The following CSMD3 variants were observed in gnomAD, a reference collection of about 807,000 sequenced individuals.
CSMD3 encodes the protein CUB and sushi domain-containing protein 3.
In CSMD3, 177 loss-of-function variants were observed where a neutral mutation model predicts 435.2. The ratio of observed to expected loss-of-function variants is 0.41; its 90% CI spans 0.36 to 0.46. CSMD3 has a LOEUF of 0.46. Ranked by LOEUF, CSMD3 falls within the 20% of genes least tolerant of loss-of-function variation. The probability of loss-of-function intolerance (pLI) is 0.34; values close to 1 mark genes in which losing one functional copy is unlikely to be tolerated. For missense variants in CSMD3, 4,265 were observed against 4,504.6 expected, an observed-to-expected ratio of 0.95 and a Z score of 1.52; for synonymous variants, 1,656 against 1,520.5, an observed-to-expected ratio of 1.09 and a Z score of -2.07.
chr8:112,369,383 T>C (rs1365681742), intron 38 of CSMD3, among the ~76,000 whole-genome samples: 2 of 152,206 alleles, frequency 1.3e-5, no homozygotes, highest in African/African-American at 4.8e-5. Flanking sequence ...TTAGTTCCCC[T>C]TCTTTAATAA....
intron 5 of CSMD3, among the ~76,000 whole-genome samples, chr8:113,087,479 A>G (rs1165012997): frequency 3.3e-5 from 5 of 152,216 alleles, no homozygotes; most frequent in Non-Finnish European, 4.4e-5. Context: ...TACAGTAACC[A>G]AAACAGCATG....
intron 3 of CSMD3, among the ~76,000 whole-genome samples, chr8:113,224,657 A>G (rs1390294732): frequency 6.6e-6 from 1 of 151,314 alleles, no homozygotes; most frequent in African/African-American, 2.4e-5. Flanking sequence ...TAATATTTAT[A>G]TAGTGGGTCC....
intron 27 of CSMD3, among the ~76,000 whole-genome samples, chr8:112,540,409 G>T (rs184551612): frequency 3.7e-4 from 56 of 152,106 alleles, no homozygotes; most frequent in African/African-American, 1.3e-3. Flanking sequence ...ACTACCATAT[G>T]ATCCAGCATT....
Position 112,637,089 on chromosome 8 carries a change from AT to A in CSMD3, c.3527-85del, listed in dbSNP as rs2074682689. 8.1e-6 allele frequency: 9 copies of A among 1,109,380 alleles called. No individual in the cohort carries two copies. The South Asian group carries it at 1.0e-4, about 12-fold the overall frequency. 68.7% of individuals were successfully genotyped at this position (1,109,380 alleles called of 1,614,324 possible). A position where few individuals can be genotyped will look rare whatever the true frequency, so the allele number is the denominator to read the frequency against. ...TGGTTACTTTTAAAGGTATATTCCTATTGTTTTTAGAACCTAGTCATATATT... is the reference window on the plus strand; with the variant it reads ...TGGTTACTTTTAAAGGTATATTCCTATGTTTTTAGAACCTAGTCATATATT... On this transcript the variant is annotated intron_variant, in intron 21 of 70. Transcript: ENST00000297405.
intron 32 of CSMD3, among the ~76,000 whole-genome samples, chr8:112,467,728 C>T (rs1031724215): frequency 1.3e-5 from 2 of 152,076 alleles, no homozygotes; most frequent in Non-Finnish European, 2.9e-5. Context: ...AAAAAACAGA[C>T]AGACACACAG....
At chr8:113,404,007 CATT>C (rs2094521684) in intron 1 of CSMD3, among the ~76,000 whole-genome samples, 1 of 151,250 alleles carries the variant, frequency 6.6e-6, no homozygotes, top group Non-Finnish European at 1.5e-5. Context: ...GGATTTGAAA[CATT>C]AATAACTTCC....
At chr8:112,432,590 G>T (rs1813837876) in intron 32 of CSMD3, among the ~76,000 whole-genome samples, 1 of 152,092 alleles carries the variant, frequency 6.6e-6, no homozygotes, top group South Asian at 2.1e-4. Context: ...TGGGATTAAA[G>T]ATGTGGGCCA....
intron 32 of CSMD3, among the ~76,000 whole-genome samples, chr8:112,434,739 T>C (rs1814126067): frequency 6.6e-6 from 1 of 152,104 alleles, no homozygotes; most frequent in Non-Finnish European, 1.5e-5. Flanking sequence ...ATACATTGTT[T>C]TATAAAATTT....
At chr8:112,803,853 C>T (rs1485171067) in intron 12 of CSMD3, among the ~76,000 whole-genome samples, 3 of 152,104 alleles carry the variant, frequency 2.0e-5, no homozygotes, top group South Asian at 2.1e-4. Context: ...TTTACAGTCC[C>T]GGGCATGGAG....
intron 7 of CSMD3, among the ~76,000 whole-genome samples, chr8:112,957,743 G>C (rs989283344): frequency 2.1e-5 from 3 of 141,450 alleles, no homozygotes; most frequent in Admixed American, 1.4e-4. Flanking sequence ...CACAGCTCCC[G>C]GGCGTGTTTG....
chr8:113,139,356 T>A (rs193196845), intron 4 of CSMD3, among the ~76,000 whole-genome samples: 37 of 151,222 alleles, frequency 2.4e-4, no homozygotes, highest in African/African-American at 8.2e-4. Context: ...TAACACTGGT[T>A]GTAAATATAT....
chr8:112,968,111 T>C (rs933239139), intron 7 of CSMD3, among the ~76,000 whole-genome samples: 2 of 151,446 alleles, frequency 1.3e-5, no homozygotes, highest in Non-Finnish European at 3.0e-5. Flanking sequence ...AAAAAGTAAA[T>C]ATGGCTGATT....
At chr8:112,956,157 T>C (rs1481469538) in intron 7 of CSMD3, among the ~76,000 whole-genome samples, 3 of 152,044 alleles carry the variant, frequency 2.0e-5, no homozygotes, top group Admixed American at 6.6e-5. Context: ...ATCTGCCTTT[T>C]TACCTGCTTT....
Position 112,265,569 on chromosome 8 carries a change from C to A in CSMD3, c.9530G>T (p.Gly3177Val), listed in dbSNP as rs774032664. 6.8e-6 allele frequency: 11 copies of A among 1,613,112 alleles called. No individual in the cohort carries two copies. Among genetic ancestry groups the A allele is most frequent in the Non-Finnish European group, 9.3e-6 (11 of 1,179,288 alleles). The change falls in exon 60 of 71, where the codon GGT (glycine) becomes GTT (valine). Residue 3177 changes from glycine to valine, a missense_variant. Physicochemically the swap from Gly to Val is moderately radical, Grantham distance 109. Coordinates refer to ENST00000297405, the MANE Select transcript of CSMD3 (RefSeq NM_198123.2). The part of the protein sequence containing the change: ...NCTIISCGDP[G>V]IPANGLRYGD... ...ATATCTCAGTCCATTGGCTGGTATACCTGGGTCTCCACAACTGATTACTGT... is the reference window on the plus strand; with the variant it reads ...ATATCTCAGTCCATTGGCTGGTATAACTGGGTCTCCACAACTGATTACTGT...
intron 11 of CSMD3, among the ~76,000 whole-genome samples, chr8:112,836,523 G>A (rs2080028991): frequency 6.6e-6 from 1 of 151,850 alleles, no homozygotes; most frequent in South Asian, 2.1e-4. Context: ...ACTGGAAGAT[G>A]ATTAGCAATT....
At chr8:113,146,301 C>T (rs964491811) in intron 4 of CSMD3, among the ~76,000 whole-genome samples, 2 of 151,356 alleles carry the variant, frequency 1.3e-5, no homozygotes, top group African/African-American at 2.4e-5. Context: ...GGAAGTGACA[C>T]TTTAATATGA....
At chr8:112,227,977 T>G (rs1483973334) in intron 70 of CSMD3, among the ~76,000 whole-genome samples, 3 of 151,972 alleles carry the variant, frequency 2.0e-5, no homozygotes, top group Non-Finnish European at 4.4e-5. Context: ...GGGAGGCAGA[T>G]GTTACAGTGA....
At chr8:113,129,708 G>A (rs997981887) in intron 4 of CSMD3, among the ~76,000 whole-genome samples, 2 of 152,106 alleles carry the variant, frequency 1.3e-5, no homozygotes, top group South Asian at 4.1e-4. Flanking sequence ...AGGATTCATA[G>A]AGAAGTATAC....
chr8:112,837,937 C>T (rs899063209), intron 11 of CSMD3, among the ~76,000 whole-genome samples: 18 of 151,780 alleles, frequency 1.2e-4, no homozygotes, highest in Non-Finnish European at 2.2e-4. Context: ...ACACAATCAA[C>T]TTGACATCTA....
Sources: gnomAD v4.1 joint callset for allele counts (sites outside exome capture counted in the v4.1 genomes callset) on GRCh38, gnomAD v4.1.1 for gene constraint, MANE v1.5 for transcripts, NCBI Gene and HGNC (gene_info 2026-07-23, HGNC 2026-07-21) for gene names.